CACNA1E: variants seen among roughly 807,000 people sequenced by gnomAD.
The protein encoded by CACNA1E is calcium voltage-gated channel subunit alpha1 E.
A neutral mutation model predicts 259.2 loss-of-function variants in CACNA1E; 40 were observed. The ratio of observed to expected loss-of-function variants is 0.15; its 90% confidence interval spans 0.12 to 0.20. The LOEUF (loss-of-function observed/expected upper bound fraction) is 0.20. CACNA1E is among the 10% of genes least tolerant of loss of function. The probability of loss-of-function intolerance (pLI) is 1.00; values close to 1 mark genes in which losing one functional copy is unlikely to be tolerated. For synonymous variants in CACNA1E, 1,104 were observed against 1,138.5 expected, an observed-to-expected ratio of 0.97 and a Z score of 0.61; for missense variants, 1,874 against 3,040.1, an observed-to-expected ratio of 0.62 and a Z score of 9.02.
intron 1 of CACNA1E, among the ~76,000 whole-genome samples, chr1:181,380,664 A>G (rs1270590887): frequency 6.6e-6 from 1 of 152,228 alleles, no homozygotes; most frequent in Non-Finnish European, 1.5e-5. Context: ...CTACATGTCT[A>G]TTAGGAAAGC....
rs1390863400 is a variant in CACNA1E, at chr1:181,776,202, C to T, written c.5241C>T (p.Val1747=). The T allele has an allele frequency of 1.2e-6, 2 of 1,614,048 alleles. No individual in the cohort carries two copies. Among genetic ancestry groups the T allele is most frequent in the Non-Finnish European group, 1.7e-6 (2 of 1,179,894 alleles). ...GPHHLDEFVR[V]WAEYDRAACG... ...ACCACTTGGACGAGTTTGTCCGCGT[C>T]TGGGCAGAATATGACCGAGCAGCAT... Residue 1747 remains valine (V), a synonymous_variant, in exon 38 of 48, where the codon GTC becomes GTT. Coordinates refer to ENST00000367573, the MANE Select transcript of CACNA1E (RefSeq NM_001205293.3). This position sits in a 1 kb window ranked among gnomAD's most constrained non-coding sequence, Gnocchi z 4.4.
chr1:181,498,321 G>A (rs1245303634), intron 1 of CACNA1E, among the ~76,000 whole-genome samples: 1 of 152,200 alleles, frequency 6.6e-6, no homozygotes, highest in African/African-American at 2.4e-5. Flanking sequence ...TTTCCACAAT[G>A]GTTCACTTCC....
chr1:181,404,490 T>G (rs1657326442), intron 1 of CACNA1E, among the ~76,000 whole-genome samples: 1 of 152,218 alleles, frequency 6.6e-6, no homozygotes, highest in South Asian at 2.1e-4. Context: ...AGGTTAATTA[T>G]AACATAATTG....
At chr1:181,718,422 G>A (rs1231303001) in intron 12 of CACNA1E, among the ~76,000 whole-genome samples, 1 of 152,016 alleles carries the variant, frequency 6.6e-6, no homozygotes, top group Non-Finnish European at 1.5e-5. Flanking sequence ...ACACTTAAGT[G>A]TATAGCTCCG....
At chr1:181,447,256 GT>G (rs1660847962) in intron 2 of CACNA1E, among the ~76,000 whole-genome samples, 1 of 152,086 alleles carries the variant, frequency 6.6e-6, no homozygotes, top group South Asian at 2.1e-4. Context: ...ACTGGGCATG[GT>G]GGCTCATGCC....
intron 1 of CACNA1E, among the ~76,000 whole-genome samples, chr1:181,400,845 G>A (rs1657048166): frequency 6.6e-6 from 1 of 152,106 alleles, no homozygotes; most frequent in Non-Finnish European, 1.5e-5. Context: ...AGAGGGTCAC[G>A]CTTTGCTGTA....
At chr1:181,516,348 C>G (rs1398126008) in intron 3 of CACNA1E, among the ~76,000 whole-genome samples, 1 of 64,688 alleles carries the variant, frequency 1.5e-5, no homozygotes, top group Non-Finnish European at 3.0e-5. Context: ...AAAGACCACA[C>G]ACACACACAC....
chr1:181,798,378 C>G lies in CACNA1E; in HGVS notation c.6486C>G (p.Val2162=), dbSNP rs921771126. ...GAAGTCGTCGGCAGCTCCCACCCGT[C>G]CCGCCAAAGCCCCGGCCCCTCCTTT... ...PRRSRRQLPP[V]PPKPRPLLSY... is the part of the protein sequence containing the mutation. Residue 2162 remains valine, a synonymous_variant, in exon 48 of 48, where the codon GTC becomes GTG. Coordinates refer to ENST00000367573, the MANE Select transcript of CACNA1E (RefSeq NM_001205293.3). The surrounding 1 kb of genome is among the most constrained non-coding windows in gnomAD (Gnocchi z 4.2). The G allele has an allele frequency of 3.7e-6, 6 of 1,612,912 alleles. No individual in the cohort carries two copies. Among genetic ancestry groups the G allele is most frequent in the Admixed American group, 3.3e-5 (2 of 60,000 alleles).
At chr1:181,705,699 C>T (rs1286019349) in intron 7 of CACNA1E, among the ~76,000 whole-genome samples, 6 of 152,284 alleles carry the variant, frequency 3.9e-5, no homozygotes, top group South Asian at 2.1e-4. Flanking sequence ...GGAGAAGTAT[C>T]GGGAATGAAA....
intron 6 of CACNA1E, among the ~76,000 whole-genome samples, chr1:181,619,874 G>T (rs1655571541): frequency 6.6e-6 from 1 of 152,068 alleles, no homozygotes; most frequent in Admixed American, 6.6e-5. Context: ...AGAAGAGCAG[G>T]TCTGTGTTTT....
chr1:181,458,855 ATCCATC>A lies in CACNA1E; in HGVS notation c.435-24888_435-24883del, dbSNP rs1168358771. ...CATCCATCCATCCATCCATCCATCCATCCATCCATCCATCCACCCATCCATTTATTC... is the reference window on the plus strand; with the variant it reads ...CATCCATCCATCCATCCATCCATCCACATCCATCCACCCATCCATTTATTC... On this transcript the variant is annotated intron_variant, in intron 2 of 11. Coordinates refer to the CACNA1E transcript ENST00000524607. 6.6e-5 allele frequency among the ~76,000 whole-genome samples: 10 copies of A among 152,192 alleles called. No homozygotes were observed. In the East Asian group the frequency reaches 1.9e-3, roughly 29 times the overall value.
chr1:181,699,169 C>A (rs578129067), intron 7 of CACNA1E, among the ~76,000 whole-genome samples: 2 of 152,172 alleles, frequency 1.3e-5, no homozygotes, highest in African/African-American at 4.8e-5. Flanking sequence ...TACTTCTGAA[C>A]GTTCTGATGC....
At chr1:181,791,982 CAGTT>C (rs560284858) in intron 44 of CACNA1E, among the ~76,000 whole-genome samples, 11 of 152,294 alleles carry the variant, frequency 7.2e-5, no homozygotes, top group Admixed American at 3.9e-4. Flanking sequence ...GTGGGGGAGA[CAGTT>C]AGTCCAGACG....
chr1:181,378,423 G>A (rs1415598662), intron 1 of CACNA1E, among the ~76,000 whole-genome samples: 1 of 152,162 alleles, frequency 6.6e-6, no homozygotes, highest in African/African-American at 2.4e-5. Flanking sequence ...GCATTTCAGG[G>A]AATAGGAACC....
chr1:181,783,011 C>T (rs986315907), intron 39 of CACNA1E, among the ~76,000 whole-genome samples: 8 of 152,160 alleles, frequency 5.3e-5, no homozygotes, highest in Non-Finnish European at 1.2e-4. Flanking sequence ...GCCTGGGCCA[C>T]CCTTCCTCGT....
chr1:181,666,671 G>T (rs929132809), intron 7 of CACNA1E, among the ~76,000 whole-genome samples: 2 of 151,596 alleles, frequency 1.3e-5, no homozygotes, highest in Non-Finnish European at 2.9e-5. Flanking sequence ...TACAATAATT[G>T]AAATGATGTG....
Position 181,666,496 on chromosome 1 carries a change from C to T in CACNA1E, c.1055+15055C>T, listed in dbSNP as rs184079499. On this transcript the variant is annotated intron_variant, in intron 7 of 47. Transcript: ENST00000367573. ...AAATTACAAAGATGTCTGCTTTCTCCACTTTAGTCTTTAATGTGATATTGA... is the reference window on the plus strand; with the variant it reads ...AAATTACAAAGATGTCTGCTTTCTCTACTTTAGTCTTTAATGTGATATTGA... 3.2e-3 allele frequency among the ~76,000 whole-genome samples: 493 copies of T among 152,172 alleles called. 4 individuals carry two copies. Among genetic ancestry groups the T allele is most frequent in the African/African-American group, 0.011 (473 of 41,550 alleles).
At chr1:181,620,071 G>A (rs904401797) in intron 6 of CACNA1E, among the ~76,000 whole-genome samples, 2 of 152,130 alleles carry the variant, frequency 1.3e-5, no homozygotes, top group Admixed American at 1.3e-4. Context: ...ATGAGAATTA[G>A]GTGTGAATAA....
Position 181,483,751 on chromosome 1 carries a change from C to T in CACNA1E, c.7C>T (p.Arg3Cys), listed in dbSNP as rs769614151. 2 of 1,607,622 alleles carry T rather than the reference C, an allele frequency of 1.2e-6. No individual in the cohort carries two copies. Among genetic ancestry groups the T allele is most frequent in the Non-Finnish European group, 1.7e-6 (2 of 1,177,040 alleles). Reference sequence around the variant, plus strand: ...TGTCTGTTTAAACCTCAGGATGGCTCGCTTCGGGGAGGCGGTGGTCGCCAG... The same window carrying T: ...TGTCTGTTTAAACCTCAGGATGGCTTGCTTCGGGGAGGCGGTGGTCGCCAG... MA[R>C]FGEAVVARPG... is the part of the protein sequence containing the mutation. The change falls in exon 1 of 48, where the codon CGC (arginine) becomes TGC (cysteine). Residue 3 changes from arginine (R) to cysteine (C), a missense_variant. Transcript: ENST00000367573.
Sources: allele counts gnomAD v4.1 joint callset (sites outside exome capture counted in the v4.1 genomes callset), GRCh38; gene constraint gnomAD v4.1.1; non-coding constraint Gnocchi (gnomAD v3.1); transcripts MANE v1.5; gene names NCBI Gene and HGNC (gene_info 2026-07-23, HGNC 2026-07-21).